MDGA2: variants seen among roughly 807,000 people sequenced by gnomAD.
MDGA2 encodes the protein MAM domain-containing glycosylphosphatidylinositol anchor protein 2.
A neutral mutation model predicts 117.8 loss-of-function variants in MDGA2; 40 were observed. The observed-to-expected ratio is 0.34, with a 90% CI of 0.26 to 0.44. The LOEUF (loss-of-function observed/expected upper bound fraction) is 0.44, where lower values mean the gene tolerates loss of function less well. Ranked by LOEUF, MDGA2 falls within the 20% of genes least tolerant of loss-of-function variation. MDGA2 has a pLI of 1.00. For synonymous variants in MDGA2, 452 were observed against 439.0 expected, an observed-to-expected ratio of 1.03 and a Z score of -0.37; for missense variants, 1,123 against 1,250.6, an observed-to-expected ratio of 0.90 and a Z score of 1.54.
At chr14:47,297,608 T>C (rs1594780499) in intron 2 of MDGA2, among the ~76,000 whole-genome samples, 1 of 152,292 alleles carries the variant, frequency 6.6e-6, no homozygotes, top group Middle Eastern at 3.4e-3. Flanking sequence ...TACTAGATTG[T>C]TAGATTTACT....
At chr14:46,986,592 A>C (rs1252307613) in intron 8 of MDGA2, among the ~76,000 whole-genome samples, 1 of 152,126 alleles carries the variant, frequency 6.6e-6, no homozygotes, top group East Asian at 1.9e-4. Flanking sequence ...AGATAGTCTC[A>C]AACAGGCTAT....
chr14:47,031,475 T>C (rs544684850), intron 8 of MDGA2, among the ~76,000 whole-genome samples: 3 of 152,188 alleles, frequency 2.0e-5, no homozygotes, highest in African/African-American at 7.2e-5. Context: ...ATGTGTGTGC[T>C]TGCGTGTAAA....
chr14:47,335,434 C>G (rs113719208), intron 1 of MDGA2, among the ~76,000 whole-genome samples: 2 of 151,180 alleles, frequency 1.3e-5, no homozygotes, highest in African/African-American at 4.9e-5. Flanking sequence ...AGGCGAAAAG[C>G]CTTCCAAGTT....
At chr14:47,101,967 G>A (rs1439288530) in intron 5 of MDGA2, among the ~76,000 whole-genome samples, 1 of 152,002 alleles carries the variant, frequency 6.6e-6, no homozygotes, top group Non-Finnish European at 1.5e-5. Context: ...TTTAATTTGG[G>A]GTTAAGTAAT....
intron 1 of MDGA2, among the ~76,000 whole-genome samples, chr14:47,580,376 T>C (rs1328373434): frequency 6.6e-6 from 1 of 152,028 alleles, no homozygotes; most frequent in African/African-American, 2.4e-5. Flanking sequence ...CATGAGGGCA[T>C]TGCCCTTATG....
chr14:47,188,811 A>C (rs756376991), intron 3 of MDGA2, among the ~76,000 whole-genome samples: 3 of 152,096 alleles, frequency 2.0e-5, no homozygotes, highest in Non-Finnish European at 2.9e-5. Flanking sequence ...CAAAGAGATC[A>C]AAAAAATCCT....
intron 2 of MDGA2, among the ~76,000 whole-genome samples, chr14:47,281,543 AC>A (rs1247424630): frequency 6.6e-6 from 1 of 152,204 alleles, no homozygotes; most frequent in Non-Finnish European, 1.5e-5. Flanking sequence ...AGAGGTATAT[AC>A]TGTCTGGTTG....
At chr14:47,213,876 A>G (rs1248846923) in intron 3 of MDGA2, among the ~76,000 whole-genome samples, 2 of 152,150 alleles carry the variant, frequency 1.3e-5, no homozygotes, top group Non-Finnish European at 2.9e-5. Context: ...GACCTCAGTA[A>G]ACTTACAATC....
At chr14:47,501,784 T>C (rs1894404986) in intron 1 of MDGA2, among the ~76,000 whole-genome samples, 1 of 152,180 alleles carries the variant, frequency 6.6e-6, no homozygotes, top group South Asian at 2.1e-4. Flanking sequence ...CTTTCAGAAG[T>C]GGCATGGCCT....
intron 1 of MDGA2, among the ~76,000 whole-genome samples, chr14:47,439,626 G>A (rs1208640910): frequency 1.3e-5 from 2 of 151,950 alleles, no homozygotes; most frequent in Admixed American, 6.6e-5. Context: ...ATTTCATGTG[G>A]TTTAAAAAGA....
intron 3 of MDGA2, among the ~76,000 whole-genome samples, chr14:47,183,980 A>G (rs1361246621): frequency 6.6e-6 from 1 of 151,988 alleles, no homozygotes; most frequent in East Asian, 1.9e-4. Context: ...CTTCCATGAT[A>G]ATTCCTCCTG....
intron 3 of MDGA2, among the ~76,000 whole-genome samples, chr14:47,144,550 G>A (rs534882360): frequency 6.6e-6 from 1 of 151,966 alleles, no homozygotes; most frequent in Non-Finnish European, 1.5e-5. Flanking sequence ...TTCCATGAGA[G>A]AGATAAAAAT....
At chr14:47,174,249 A>G (rs1362025250) in intron 3 of MDGA2, among the ~76,000 whole-genome samples, 1 of 152,186 alleles carries the variant, frequency 6.6e-6, no homozygotes, top group Non-Finnish European at 1.5e-5. Flanking sequence ...CGAGACAGAA[A>G]GTTAACAAGG....
In MDGA2 at chr14:47,312,580, G is replaced by A. The variant is rs551207476; in HGVS notation, c.281-11030C>T. Among the ~76,000 whole-genome samples, 5 of 151,712 alleles carry A rather than the reference G, an allele frequency of 3.3e-5. No individual in the cohort carries two copies. In the South Asian group the frequency reaches 6.3e-4, roughly 19 times the overall value. On this transcript the variant is annotated intron_variant, in intron 1 of 16. Transcript: ENST00000399232. ...GGCAGTGGCACCATCACAAATCACCGTAACCTGTAACCTTCTGAGCTGAAA... is the reference window on the plus strand; with the variant it reads ...GGCAGTGGCACCATCACAAATCACCATAACCTGTAACCTTCTGAGCTGAAA...
intron 1 of MDGA2, among the ~76,000 whole-genome samples, chr14:47,472,682 C>G (rs2076509914): frequency 6.6e-6 from 1 of 151,986 alleles, no homozygotes; most frequent in Non-Finnish European, 1.5e-5. Context: ...GGTGGGGGAA[C>G]TTGACTATCA....
intron 7 of MDGA2, among the ~76,000 whole-genome samples, chr14:47,046,688 G>T (rs1237410656): frequency 6.6e-6 from 1 of 151,852 alleles, no homozygotes; most frequent in Non-Finnish European, 1.5e-5. Flanking sequence ...AGTTGATAAA[G>T]AATTTTAACC....
chr14:47,117,231 T>C (rs1051269248), intron 5 of MDGA2, among the ~76,000 whole-genome samples: 8 of 152,140 alleles, frequency 5.3e-5, no homozygotes, highest in African/African-American at 1.4e-4. Context: ...CCTGTCAGGA[T>C]GACTACTACT....
chr14:47,359,466 A>T (rs1329304546), intron 1 of MDGA2, among the ~76,000 whole-genome samples: 1 of 152,184 alleles, frequency 6.6e-6, no homozygotes, highest in Admixed American at 6.5e-5. Context: ...ACACAACCGA[A>T]TAAAGGGCCC....
At chr14:47,496,093 T>C (rs1449864602) in intron 1 of MDGA2, among the ~76,000 whole-genome samples, 1 of 152,156 alleles carries the variant, frequency 6.6e-6, no homozygotes, top group East Asian at 1.9e-4. Context: ...ACACATTGAA[T>C]ATATTAATAA....
Sources: allele counts gnomAD v4.1 joint callset (sites outside exome capture counted in the v4.1 genomes callset), GRCh38; gene constraint gnomAD v4.1.1; transcripts MANE v1.5; gene names NCBI Gene and HGNC (gene_info 2026-07-23, HGNC 2026-07-21).